The following LRFN2 variants were observed in gnomAD, a reference collection of about 807,000 sequenced individuals.
LRFN2 encodes leucine-rich repeat and fibronectin type-III domain-containing protein 2.
Under a neutral mutation model 37.3 loss-of-function variants are expected in LRFN2, and 18 were observed. The observed-to-expected ratio is 0.48, with a 90% confidence interval of 0.33 to 0.72. The LOEUF (loss-of-function observed/expected upper bound fraction) is 0.72. LRFN2 is among the 30% of genes least tolerant of loss of function. LRFN2 has a pLI of 0.02. For missense variants in LRFN2, 1,006 were observed against 1,060.7 expected (o/e 0.95, Z 0.72); for synonymous variants, 556 against 466.6 (o/e 1.19, Z -2.47).
At chr6:40,520,181 T>C (rs1354798310) in intron 1 of LRFN2, among the ~76,000 whole-genome samples, 6 of 152,116 alleles carry the variant, frequency 3.9e-5, no homozygotes, top group Admixed American at 3.9e-4. Flanking sequence ...CAGAATCCTC[T>C]GGCAACCATG....
At chr6:40,490,270 C>T (rs886318501) in intron 1 of LRFN2, among the ~76,000 whole-genome samples, 1 of 152,232 alleles carries the variant, frequency 6.6e-6, no homozygotes, top group African/African-American at 2.4e-5. Flanking sequence ...TTCATAAAAT[C>T]ATCTTGCTTG....
intron 1 of LRFN2, among the ~76,000 whole-genome samples, chr6:40,437,213 G>T (rs2113830673): frequency 6.6e-6 from 1 of 152,290 alleles, no homozygotes; most frequent in Non-Finnish European, 1.5e-5. Flanking sequence ...ATCTTCCACT[G>T]TCCCTCCAGA....
intron 2 of LRFN2, among the ~76,000 whole-genome samples, chr6:40,413,079 C>T (rs368824125): frequency 6.6e-6 from 1 of 152,160 alleles, no homozygotes; most frequent in Non-Finnish European, 1.5e-5. Context: ...TTCTCCATCT[C>T]TGTGCACACT....
chr6:40,475,427 G>A (rs1429915064), intron 1 of LRFN2, among the ~76,000 whole-genome samples: 1 of 152,154 alleles, frequency 6.6e-6, no homozygotes, highest in East Asian at 1.9e-4. Context: ...TGCAGGCGAG[G>A]AAGGTGTGGG....
intron 2 of LRFN2, among the ~76,000 whole-genome samples, chr6:40,402,078 G>T (rs1193042727): frequency 4.6e-5 from 7 of 152,112 alleles, no homozygotes; most frequent in Non-Finnish European, 1.0e-4. Context: ...CTCTTCCTGC[G>T]AGCCCCAAAG....
chr6:40,555,903 G>C (rs1766866611), intron 1 of LRFN2, among the ~76,000 whole-genome samples: 1 of 152,208 alleles, frequency 6.6e-6, no homozygotes, highest in Non-Finnish European at 1.5e-5. Flanking sequence ...GGCAGTGACT[G>C]TTTTACTGTA....
chr6:40,561,226 C>G (rs776170014), intron 1 of LRFN2, among the ~76,000 whole-genome samples: 1 of 152,184 alleles, frequency 6.6e-6, no homozygotes, highest in Non-Finnish European at 1.5e-5. Context: ...GGTCCCCTAC[C>G]TTCAGGGGAA....
chr6:40,432,726 T>TA lies in LRFN2; in HGVS notation c.387dup (p.Ile130TyrfsTer13). 6.2e-7 allele frequency: 1 copy of TA among 1,614,176 alleles called. No individual in the cohort carries two copies. Among genetic ancestry groups the TA allele is most frequent in the Non-Finnish European group, 8.5e-7 (1 of 1,180,036 alleles). ...CCGCCCAGCTGGTTGTTGTTCACGA[T>TA]AAGGTGCTGCAGGTTGACCAGGCCC... On this transcript the variant is annotated frameshift_variant, in exon 2 of 3. Transcript: ENST00000338305. LOFTEE classifies it high-confidence loss of function.
At chr6:40,509,434 T>G (rs12663853) in intron 1 of LRFN2, among the ~76,000 whole-genome samples, 2,878 of 152,370 alleles carry the variant, frequency 0.019, 55 homozygotes, top group East Asian at 0.062. Flanking sequence ...TAGTGGGTCA[T>G]GCCCAGCATT....
At chr6:40,493,422 C>T (rs1200513621) in intron 1 of LRFN2, among the ~76,000 whole-genome samples, 1 of 152,180 alleles carries the variant, frequency 6.6e-6, no homozygotes, top group Non-Finnish European at 1.5e-5. Flanking sequence ...GGTGGCATTC[C>T]ACTGTGTGTG....
At chr6:40,428,024 C>T (rs1181546787) in intron 2 of LRFN2, among the ~76,000 whole-genome samples, 1 of 152,166 alleles carries the variant, frequency 6.6e-6, no homozygotes, top group Non-Finnish European at 1.5e-5. Context: ...GCTACTTACC[C>T]CCTGTTTAAC....
Position 40,398,813 on chromosome 6 carries a change from T to G in LRFN2, c.1401-5901A>C, listed in dbSNP as rs919112326. Among the ~76,000 whole-genome samples the G allele has an allele frequency of 3.3e-5, 5 of 151,852 alleles. 1 individual carries two copies. The highest frequency in any genetic ancestry group is 3.3e-4 in the Admixed American group (5 of 15,264). ...TGGATTGTTTTTCTTTTTCTTTCCT[T>G]TTCTGTTAATATTATTTTGGCATTG... On this transcript the variant is annotated intron_variant, in intron 2 of 2. Transcript: ENST00000338305.
In LRFN2 at chr6:40,577,108, C is replaced by CTCTTCTCTTCTCTTCTCCTCT. The variant is rs150002933; in HGVS notation, c.-19+9832_-19+9833insAGAGGAGAAGAGAAGAGAAGA. The stretch of plus-strand genomic sequence containing the variant: ...CTTTTCTTTTCTTTTCTTTTCCTTT[C>CTCTTCTCTTCTCTTCTCCTCT]TTTTCTTTTTAGATATGGAGTCTCG... On this transcript the variant is annotated intron_variant, in intron 1 of 2. Transcript: ENST00000338305. Among the ~76,000 whole-genome samples, 12 of 104,682 alleles carry CTCTTCTCTTCTCTTCTCCTCT rather than the reference C, an allele frequency of 1.1e-4. No individual in the cohort carries two copies. In the East Asian group the frequency reaches 2.5e-3, roughly 22 times the overall value. 68.7% of individuals were successfully genotyped at this position (104,682 alleles called of 152,430 possible).
At chr6:40,479,187 C>G (rs1764770591) in intron 1 of LRFN2, among the ~76,000 whole-genome samples, 1 of 152,170 alleles carries the variant, frequency 6.6e-6, no homozygotes, top group South Asian at 2.1e-4. Flanking sequence ...ATGCTTGGTA[C>G]CCAGCACTCA....
At chr6:40,572,170 T>G (rs2113795064) in intron 1 of LRFN2, among the ~76,000 whole-genome samples, 1 of 152,332 alleles carries the variant, frequency 6.6e-6, no homozygotes, top group Middle Eastern at 3.4e-3. Flanking sequence ...ACCCTCTATA[T>G]CACAGTTTCC....
intron 2 of LRFN2, among the ~76,000 whole-genome samples, chr6:40,413,621 A>G (rs1199693128): frequency 6.6e-6 from 1 of 152,174 alleles, no homozygotes; most frequent in African/African-American, 2.4e-5. Context: ...GGACATGGCC[A>G]TCATCTTCCC....
intron 1 of LRFN2, chr6:40,523,870 GCCCAAGGACAGAGAGATGATTAGACACAA>G (rs1766163952): frequency 6.6e-6 from 1 of 152,304 alleles, no homozygotes; most frequent in African/African-American, 2.4e-5. Context: ...GAGTTGACTG[GCCCAAGGACAGAGAGATGATTAGACACAA>G]CCTGAGGCTC....
chr6:40,414,288 C>G (rs1044286737), intron 2 of LRFN2, among the ~76,000 whole-genome samples: 1 of 152,164 alleles, frequency 6.6e-6, no homozygotes, highest in Non-Finnish European at 1.5e-5. Context: ...ATTGAGGCCT[C>G]AAGATGCTGC....
At chr6:40,482,177 G>A (rs1424106555) in intron 1 of LRFN2, among the ~76,000 whole-genome samples, 1 of 152,154 alleles carries the variant, frequency 6.6e-6, no homozygotes, top group Non-Finnish European at 1.5e-5. Context: ...GGGGTGGGGA[G>A]GATGGAACAT....
Sources: gnomAD v4.1 joint callset for allele counts (sites outside exome capture counted in the v4.1 genomes callset) on GRCh38, gnomAD v4.1.1 for gene constraint, MANE v1.5 for transcripts, NCBI Gene and HGNC (gene_info 2026-07-23, HGNC 2026-07-21) for gene names.